WWOX: variants seen among roughly 807,000 people sequenced by gnomAD.
WWOX encodes WW domain containing oxidoreductase.
A neutral mutation model predicts 46.2 loss-of-function variants in WWOX; 69 were observed. The ratio of observed to expected loss-of-function variants is 1.49; its 90% CI spans 1.23 to 1.82. WWOX has a LOEUF of 1.82. WWOX is among the 40% of genes most tolerant of loss of function. WWOX has a pLI of 0.00. For synonymous variants in WWOX, 359 were observed against 202.6 expected, an observed-to-expected ratio of 1.77 and a Z score of -6.56; for missense variants, 919 against 542.6, an observed-to-expected ratio of 1.69 and a Z score of -6.89.
At chr16:78,261,780 C>A (rs796581077) in intron 5 of WWOX, among the ~76,000 whole-genome samples, 7,807 of 43,786 alleles carry the variant, frequency 0.18, 418 homozygotes, top group East Asian at 0.49. Context: ...ATGTATCTAT[C>A]TATCTATCTA....
intron 8 of WWOX, among the ~76,000 whole-genome samples, chr16:78,828,884 C>T (rs1472109284): frequency 6.6e-6 from 1 of 152,080 alleles, no homozygotes; most frequent in Non-Finnish European, 1.5e-5. Flanking sequence ...TGTATGTAAT[C>T]CTAAAATGTA....
intron 8 of WWOX, among the ~76,000 whole-genome samples, chr16:78,530,629 A>C (rs1000130870): frequency 2.0e-5 from 3 of 152,058 alleles, no homozygotes; most frequent in Non-Finnish European, 4.4e-5. Context: ...GCAATATTTG[A>C]GTGGAAAAAC....
chr16:78,687,748 CTGTATTTCATATTCTCCAGGTCT>C lies in WWOX; in HGVS notation c.1056+254997_1056+255019del, dbSNP rs558148367. ...GGCATTATGTTATTCTAAATTAACA[CTGTATTTCATATTCTCCAGGTCT>C]GACTATTAACCAGATTTTGGAACCT... On this transcript the variant is annotated intron_variant, in intron 8 of 8. Transcript: ENST00000566780. Among the ~76,000 whole-genome samples the C allele has an allele frequency of 2.4e-4, 36 of 152,314 alleles. No individual in the cohort carries two copies. In the South Asian group the frequency reaches 7.5e-3, roughly 32 times the overall value.
chr16:78,306,430 G>A (rs7199306), intron 5 of WWOX, among the ~76,000 whole-genome samples: 9,890 of 152,118 alleles, frequency 0.065, 887 homozygotes, highest in African/African-American at 0.2. Flanking sequence ...GCATCATGGT[G>A]TCCACAGAAG....
At chr16:78,689,038 G>A (rs556768445) in intron 8 of WWOX, among the ~76,000 whole-genome samples, 2 of 152,282 alleles carry the variant, frequency 1.3e-5, no homozygotes, top group African/African-American at 4.8e-5. Context: ...TTGTGAGTCA[G>A]TTAAATCTCT....
Position 78,156,940 on chromosome 16 carries a change from A to G in WWOX, c.410-7243A>G, listed in dbSNP as rs577609787. 1.4e-4 allele frequency among the ~76,000 whole-genome samples: 21 copies of G among 152,272 alleles called. 1 individual carries two copies. The East Asian group carries it at 2.9e-3, about 21-fold the overall frequency. On this transcript the variant is annotated intron_variant, in intron 4 of 8. Transcript: ENST00000566780. ...AGTGAGACTCTGTCTCAGTCAGTCA[A>G]TCAGTCAATCAATCAAGTTCTGGAA...
intron 3 of WWOX, among the ~76,000 whole-genome samples, chr16:78,112,401 A>T (rs1421255352): frequency 6.6e-6 from 1 of 151,976 alleles, no homozygotes; most frequent in South Asian, 2.1e-4. Flanking sequence ...ATGTAGTTAC[A>T]GTAACAAGTT....
rs560652860 is a variant in WWOX at position 78,789,001 on chromosome 16, C to G, written c.1056+356249C>G. Among the ~76,000 whole-genome samples, 4 of 152,282 alleles carry G rather than the reference C, an allele frequency of 2.6e-5. No homozygotes were observed. The South Asian group carries it at 8.3e-4, about 32-fold the overall frequency. ...TATAAATGATTTGCAAACATTTTCT[C>G]TCATTCTGTGGGTAGTCTTTTTATT... On this transcript the variant is annotated intron_variant, in intron 8 of 8. Transcript: ENST00000566780.
At chr16:78,620,843 A>G (rs1049155328) in intron 8 of WWOX, among the ~76,000 whole-genome samples, 1 of 151,840 alleles carries the variant, frequency 6.6e-6, no homozygotes, top group Admixed American at 6.6e-5. Flanking sequence ...TCCTCAGTTT[A>G]TTTCTTCTTT....
At chr16:78,818,458 C>T (rs1285720302) in intron 8 of WWOX, among the ~76,000 whole-genome samples, 1 of 152,192 alleles carries the variant, frequency 6.6e-6, no homozygotes, top group Non-Finnish European at 1.5e-5. Context: ...AGGCTGGGTG[C>T]AGAGGCTCAT....
intron 8 of WWOX, among the ~76,000 whole-genome samples, chr16:78,840,540 A>G (rs2052110931): frequency 1.3e-5 from 2 of 152,162 alleles, no homozygotes; most frequent in Admixed American, 6.5e-5. Context: ...TGCATTGTTT[A>G]TGTCAGCATT....
intron 8 of WWOX, among the ~76,000 whole-genome samples, chr16:78,486,143 C>T (rs914420370): frequency 3.3e-5 from 5 of 152,006 alleles, no homozygotes; most frequent in East Asian, 1.9e-4. Flanking sequence ...GCTCTGTTGG[C>T]GGGAACTAGG....
chr16:78,589,303 A>G lies in WWOX; in HGVS notation c.1056+156551A>G, dbSNP rs190240629. Among the ~76,000 whole-genome samples the G allele has an allele frequency of 3.3e-3, 499 of 152,362 alleles. 4 individuals carry two copies. The highest frequency in any genetic ancestry group is 0.012 in the African/African-American group (479 of 41,592). On this transcript the variant is annotated intron_variant, in intron 8 of 8. Transcript: ENST00000566780. ...AGCACAAATGAAGAATATTTAGTCCATTCTGTATTAGTCCTCCTTGATGGG... is the reference window on the plus strand; with the variant it reads ...AGCACAAATGAAGAATATTTAGTCCGTTCTGTATTAGTCCTCCTTGATGGG...
intron 8 of WWOX, among the ~76,000 whole-genome samples, chr16:78,745,843 G>C (rs542460811): frequency 3.9e-5 from 6 of 151,986 alleles, no homozygotes; most frequent in African/African-American, 1.4e-4. Flanking sequence ...AAAATGGTTG[G>C]TGTAGATCAT....
intron 5 of WWOX, among the ~76,000 whole-genome samples, chr16:78,269,754 T>C (rs976067655): frequency 6.6e-6 from 1 of 152,204 alleles, no homozygotes; most frequent in African/African-American, 2.4e-5. Context: ...ATTAATTATT[T>C]ATTATCCTTT....
At chr16:79,163,654 C>G (rs1223132797) in intron 8 of WWOX, among the ~76,000 whole-genome samples, 1 of 152,038 alleles carries the variant, frequency 6.6e-6, no homozygotes, top group Admixed American at 6.6e-5. Flanking sequence ...CAAAATTAGC[C>G]TGGCATAGTG....
At chr16:79,078,180 G>C (rs775443686) in intron 8 of WWOX, 3 of 152,174 alleles carry the variant, frequency 2.0e-5, no homozygotes, top group African/African-American at 7.2e-5. Flanking sequence ...AATGTGAAGA[G>C]AGGTCATTTC....
Position 78,146,804 on chromosome 16 carries a change from C to T in WWOX, c.410-17379C>T, listed in dbSNP as rs116667515. ...ATGTTATAACCAAAAAGGTCAAACT[C>T]GCAATGATTCGGTGTGTTTTGTTCC... On this transcript the variant is annotated intron_variant, in intron 4 of 8. Coordinates refer to ENST00000566780, the MANE Select transcript of WWOX (RefSeq NM_016373.4). Among the ~76,000 whole-genome samples the T allele has an allele frequency of 8.0e-3, 1,225 of 152,200 alleles. 13 individuals are homozygous for T. Among genetic ancestry groups the T allele is most frequent in the African/African-American group, 0.028 (1,159 of 41,506 alleles).
chr16:78,108,866 TAATTC>T (rs2032318622), intron 2 of WWOX, among the ~76,000 whole-genome samples: 1 of 152,208 alleles, frequency 6.6e-6, no homozygotes, highest in South Asian at 2.1e-4. Context: ...CATGCGCCTG[TAATTC>T]CAGCTACTTT....
Sources: allele counts gnomAD v4.1 joint callset (sites outside exome capture counted in the v4.1 genomes callset), GRCh38; gene constraint gnomAD v4.1.1; transcripts MANE v1.5; gene names NCBI Gene and HGNC (gene_info 2026-07-23, HGNC 2026-07-21).